Variants in TMPPE observed in about 807,000 individuals in gnomAD.
TMPPE encodes the protein transmembrane protein with metallophosphoesterase domain.
In TMPPE, 16 loss-of-function variants were observed where a neutral mutation model predicts 22.6. That is an observed-to-expected ratio of 0.71 (90% CI 0.48 to 1.08). The LOEUF is 1.08. TMPPE is among the 50% of genes least tolerant of loss of function. The pLI, the probability that TMPPE is intolerant of heterozygous loss-of-function variation, is 0.00. For synonymous variants in TMPPE, 240 were observed against 245.3 expected (o/e 0.98, Z 0.20); for missense variants, 526 against 584.3 (o/e 0.90, Z 1.03).
In TMPPE at chr3:33,093,577, G is replaced by C. The variant is rs376847365; in HGVS notation, c.619C>G (p.Leu207Val). 1.2e-6 allele frequency: 2 copies of C among 1,614,072 alleles called. No individual in the cohort carries two copies. The highest frequency in any genetic ancestry group is 2.7e-5 in the African/African-American group (2 of 74,938). The change falls in exon 2 of 2, where the codon CTC becomes GTC. Residue 207 changes from leucine to valine, a missense_variant. Transcript: ENST00000342462. This position sits in a 1 kb window ranked among gnomAD's most constrained non-coding sequence, Gnocchi z 6.0. Reference protein sequence around the residue: ...IHQLPASMNNLKIVLLSDIHL... With the variant: ...IHQLPASMNNVKIVLLSDIHL... ...ATGTCTGAGAGGAGCACGATCTTGAGGTTGTTCATTGAGGCAGGCAGCTGA... is the reference window on the plus strand; with the variant it reads ...ATGTCTGAGAGGAGCACGATCTTGACGTTGTTCATTGAGGCAGGCAGCTGA...
chr3:33,092,215 A>G lies in TMPPE; in HGVS notation c.*619T>C. On this transcript the variant is annotated 3_prime_UTR_variant, in exon 2 of 2. Coordinates refer to ENST00000342462, the MANE Select transcript of TMPPE (RefSeq NM_001039770.3). Reference sequence around the variant, plus strand: ...CACAGACAGTTAAATAGCATCCCTCAAGGCCTGGAACAGGAGGAGCTTTGC... The same window carrying G: ...CACAGACAGTTAAATAGCATCCCTCGAGGCCTGGAACAGGAGGAGCTTTGC... The G allele has an allele frequency of 1.0e-6, 1 of 985,710 alleles. No individual in the cohort carries two copies. 61.1% of individuals were successfully genotyped at this position (985,710 alleles called of 1,614,324 possible).
At position 33,091,139 on chromosome 3, in the gene TMPPE, G is replaced by A; in HGVS notation, c.*1695C>T. On this transcript the variant is annotated 3_prime_UTR_variant, in exon 2 of 2. Transcript: ENST00000342462. ...AGGGAGTAAGGATGATTCACAAAATGCGGTCGGGACACAAGAAAAGTGAGT... is the reference window on the plus strand; with the variant it reads ...AGGGAGTAAGGATGATTCACAAAATACGGTCGGGACACAAGAAAAGTGAGT... 2 of 985,416 alleles carry A rather than the reference G, an allele frequency of 2.0e-6. No homozygotes were observed. The highest frequency in any genetic ancestry group is 2.4e-6 in the Non-Finnish European group (2 of 829,944). 61.0% of individuals were successfully genotyped at this position (985,416 alleles called of 1,614,324 possible).
In TMPPE at chr3:33,097,053, C is replaced by G; in HGVS notation, c.-443G>C. 4 of 1,612,030 alleles carry G rather than the reference C, an allele frequency of 2.5e-6. No individual in the cohort carries two copies. Among genetic ancestry groups the G allele is most frequent in the Non-Finnish European group, 3.4e-6 (4 of 1,178,664 alleles). On this transcript the variant is annotated 5_prime_UTR_variant, in exon 1 of 2. Transcript: ENST00000342462. ...GGCCCAGAAGCAGCAGAACCAGCAA[C>G]AGAGGGAGGATGCGAACCAGGAACC...
chr3:33,096,822 C>T lies in TMPPE; in HGVS notation c.-212G>A. The T allele has an allele frequency of 7.3e-7, 1 of 1,365,928 alleles. No individual in the cohort carries two copies. The highest frequency in any genetic ancestry group is 1.5e-5 in the African/African-American group (1 of 64,648). 84.6% of individuals were successfully genotyped at this position (1,365,928 alleles called of 1,614,324 possible). ...GAGCTGCCTGGAAGGACGCGCGCCCCGCCCGGCCCGCCCCCGACGGGAAGG... is the reference window on the plus strand; with the variant it reads ...GAGCTGCCTGGAAGGACGCGCGCCCTGCCCGGCCCGCCCCCGACGGGAAGG... On this transcript the variant is annotated 5_prime_UTR_variant, in exon 1 of 2. Coordinates refer to ENST00000342462, the MANE Select transcript of TMPPE (RefSeq NM_001039770.3).
chr3:33,092,846 C>A lies in TMPPE; in HGVS notation c.1350G>T (p.Gln450His). ...GGGCAGGGCCAGTTCAGGGAGACCG[C>A]TGCAGGATGAGCTCTGTGATCTCGG... The part of the protein sequence containing the change: ...SRAEITELIL[Q>H]RSP Residue 450 changes from glutamine to histidine, a missense_variant, in exon 2 of 2, where the codon CAG becomes CAT. Transcript: ENST00000342462. The A allele has an allele frequency of 6.2e-7, 1 of 1,603,994 alleles. No individual in the cohort carries two copies. Among genetic ancestry groups the A allele is most frequent in the Non-Finnish European group, 8.5e-7 (1 of 1,174,042 alleles).
Position 33,093,213 on chromosome 3 carries a change from C to A in TMPPE, c.983G>T (p.Trp328Leu). Residue 328 changes from tryptophan to leucine, a missense_variant, in exon 2 of 2, where the codon TGG (tryptophan) becomes TTG (leucine). Physicochemically the swap from Trp to Leu is moderately conservative, Grantham distance 61 (BLOSUM62 -2). Transcript: ENST00000342462. The surrounding 1 kb of genome is among the most constrained non-coding windows in gnomAD (Gnocchi z 6.0). ...ATCGTCCACCCCAGCCAAGCAGATC[C>A]AGTCCTCATCCTCACTCCCACTGCC... ...GSGSGSEDED[W>L]ICLAGVDDIE... 6.2e-7 allele frequency: 1 copy of A among 1,613,842 alleles called. No individual in the cohort carries two copies. The highest frequency in any genetic ancestry group is 1.1e-5 in the South Asian group (1 of 91,058).
Position 33,091,669 on chromosome 3 carries a change from G to A in TMPPE, c.*1165C>T, listed in dbSNP as rs2125582793. 1.0e-6 allele frequency: 1 copy of A among 985,182 alleles called. No homozygotes were observed. The highest frequency in any genetic ancestry group is 1.2e-6 in the Non-Finnish European group (1 of 829,718). The allele number at this position is 985,182 out of a possible 1,614,324, so 61.0% of individuals were successfully genotyped here. The stretch of plus-strand genomic sequence containing the variant: ...AATTATCCCCATTTTAGGGTTGATG[G>A]AAACCAAGGCTGAGTGAGGGAAAGT... On this transcript the variant is annotated 3_prime_UTR_variant, in exon 2 of 2. Coordinates refer to ENST00000342462, the MANE Select transcript of TMPPE (RefSeq NM_001039770.3).
Position 33,092,127 on chromosome 3 carries a change from A to G in TMPPE, c.*707T>C. ...TGAATTCCTAAGCAGCCATGTTCTC[A>G]CCATCACCGACCATGGCGCCCACCG... is the stretch of plus-strand genomic sequence containing the variant. On this transcript the variant is annotated 3_prime_UTR_variant, in exon 2 of 2. Transcript: ENST00000342462. 2.0e-6 allele frequency: 2 copies of G among 985,532 alleles called. No homozygotes were observed. Among genetic ancestry groups the G allele is most frequent in the Non-Finnish European group, 1.2e-6 (1 of 830,076 alleles). The allele number at this position is 985,532 out of a possible 1,614,324, so 61.0% of individuals were successfully genotyped here.
rs367832132 is a variant in TMPPE at position 33,093,419 on chromosome 3, G to T, written c.777C>A (p.Val259=). ...GTGAATGAAGCTGGCCCAGAGGAGC[G>T]ACAGCCGTCCGCAGGACCGAGGCTT... ...DSEASVLRTA[V]APLGQLHSHL... The change falls in exon 2 of 2, where the codon GTC becomes GTA. Residue 259 remains valine, a synonymous_variant. Coordinates refer to ENST00000342462, the MANE Select transcript of TMPPE (RefSeq NM_001039770.3). This position sits in a 1 kb window ranked among gnomAD's most constrained non-coding sequence, Gnocchi z 6.0. 6.2e-7 allele frequency: 1 copy of T among 1,613,964 alleles called. No individual in the cohort carries two copies. Among genetic ancestry groups the T allele is most frequent in the African/African-American group, 1.3e-5 (1 of 74,884 alleles).
In TMPPE at chr3:33,097,013, G is replaced by A; in HGVS notation, c.-403C>T. 2 of 1,611,612 alleles carry A rather than the reference G, an allele frequency of 1.2e-6. No homozygotes were observed. Among genetic ancestry groups the A allele is most frequent in the South Asian group, 1.1e-5 (1 of 90,758 alleles). ...GTACCCGGGTCCCGCAGACTTACGC[G>A]CAAGCCGCGCGTAGGGCCCAGAAGC... is the stretch of plus-strand genomic sequence containing the variant. On this transcript the variant is annotated 5_prime_UTR_variant, in exon 1 of 2. Coordinates refer to ENST00000342462, the MANE Select transcript of TMPPE (RefSeq NM_001039770.3).
In TMPPE at chr3:33,094,162, T is replaced by A. The variant is rs767522416; in HGVS notation, c.34A>T (p.Lys12Ter). ...ACAGTGACAGCAGCCAGGGTGGCCT[T>A]CGCGCCTAGGGACAGCTGCCTGAAG... The part of the protein sequence containing the change: ...AIFRQLSLGA[K>*]ATLAAVTVFV... Residue 12 changes from lysine (K) to a stop codon, truncating the protein, a stop_gained, in exon 2 of 2, where the codon AAG (lysine) becomes TAG (stop). Transcript: ENST00000342462. LOFTEE classifies it high-confidence loss of function. The A allele has an allele frequency of 6.2e-7, 1 of 1,611,614 alleles. No homozygotes were observed. The highest frequency in any genetic ancestry group is 1.3e-5 in the African/African-American group (1 of 74,908).
rs1370582703 is a variant in TMPPE at position 33,092,668 on chromosome 3, C to T, written c.*166G>A. ...AAATAGTTAAACCAGCCTGAACATG[C>T]CAGGCAGGCCCACCATAAGTCACTG... On this transcript the variant is annotated 3_prime_UTR_variant, in exon 2 of 2. Coordinates refer to ENST00000342462, the MANE Select transcript of TMPPE (RefSeq NM_001039770.3). 3.6e-6 allele frequency: 5 copies of T among 1,402,384 alleles called. No homozygotes were observed. Among genetic ancestry groups the T allele is most frequent in the Admixed American group, 2.9e-5 (1 of 34,866 alleles). 86.9% of individuals were successfully genotyped at this position (1,402,384 alleles called of 1,614,324 possible).
Position 33,092,285 on chromosome 3 carries a change from T to A in TMPPE, c.*549A>T, listed in dbSNP as rs1180195361. 4.1e-6 allele frequency: 4 copies of A among 986,598 alleles called. No homozygotes were observed. The African/African-American group carries it at 7.0e-5, about 17-fold the overall frequency. 61.1% of individuals were successfully genotyped at this position (986,598 alleles called of 1,614,324 possible). ...ATGCCCTCAATAGAGGTGATCCTGA[T>A]AGAATCAGAGGAAAAGAAAATATTC... On this transcript the variant is annotated 3_prime_UTR_variant, in exon 2 of 2. Transcript: ENST00000342462.
chr3:33,091,400 C>T lies in TMPPE; in HGVS notation c.*1434G>A. 1 of 985,546 alleles carries T rather than the reference C, an allele frequency of 1.0e-6. No homozygotes were observed. Among genetic ancestry groups the T allele is most frequent in the Non-Finnish European group, 1.2e-6 (1 of 830,018 alleles). 61.1% of individuals were successfully genotyped at this position (985,546 alleles called of 1,614,324 possible). On this transcript the variant is annotated 3_prime_UTR_variant, in exon 2 of 2. Transcript: ENST00000342462. Reference sequence around the variant, plus strand: ...TGAGGGAAGGAAGGCAAACCCCTAGCAGTTGCTGCTTTGACACATCACCTG... The same window carrying T: ...TGAGGGAAGGAAGGCAAACCCCTAGTAGTTGCTGCTTTGACACATCACCTG...
chr3:33,092,708 G>A lies in TMPPE; in HGVS notation c.*126C>T. On this transcript the variant is annotated 3_prime_UTR_variant, in exon 2 of 2. Coordinates refer to ENST00000342462, the MANE Select transcript of TMPPE (RefSeq NM_001039770.3). Reference sequence around the variant, plus strand: ...ATAAGTCACTGTTTGAGTCAGGCTTGTGACCAAGGGTGTGTAGGCAAGGAT... The same window carrying A: ...ATAAGTCACTGTTTGAGTCAGGCTTATGACCAAGGGTGTGTAGGCAAGGAT... The A allele has an allele frequency of 1.4e-6, 2 of 1,458,870 alleles. No individual in the cohort carries two copies. Among genetic ancestry groups the A allele is most frequent in the Non-Finnish European group, 1.8e-6 (2 of 1,108,552 alleles). 90.4% of individuals were successfully genotyped at this position (1,458,870 alleles called of 1,614,324 possible). A position where few individuals can be genotyped will look rare whatever the true frequency, so the allele number is the denominator to read the frequency against.
At position 33,091,590 on chromosome 3, in the gene TMPPE, T is replaced by G; in HGVS notation, c.*1244A>C. The G allele has an allele frequency of 5.1e-6, 5 of 984,534 alleles. No individual in the cohort carries two copies. The highest frequency in any genetic ancestry group is 6.0e-6 in the Non-Finnish European group (5 of 829,112). 61.0% of individuals were successfully genotyped at this position (984,534 alleles called of 1,614,324 possible). ...TGCACGCTGTGCCATGTGGAACTCA[T>G]GCACAAGGCTTGATGGATCCCTCCT... On this transcript the variant is annotated 3_prime_UTR_variant, in exon 2 of 2. Coordinates refer to ENST00000342462, the MANE Select transcript of TMPPE (RefSeq NM_001039770.3).
chr3:33,093,357 T>C lies in TMPPE; in HGVS notation c.839A>G (p.Tyr280Cys). The change falls in exon 2 of 2, where the codon TAC becomes TGC. Residue 280 changes from tyrosine (Y) to cysteine (C), a missense_variant. Physicochemically the swap from Tyr to Cys is radical, Grantham distance 194. Transcript: ENST00000342462. This position sits in a 1 kb window ranked among gnomAD's most constrained non-coding sequence, Gnocchi z 6.0. ...GAYFVTGNHEYYTSDVSNWFA... is the reference protein window; with the variant it reads ...GAYFVTGNHECYTSDVSNWFA... ...CCAGTTGCTGACATCTGACGTGTAG[T>C]ACTCATGATTGCCTGTGACGAAGTA... 1 of 1,614,060 alleles carries C rather than the reference T, an allele frequency of 6.2e-7. No individual in the cohort carries two copies. Among genetic ancestry groups the C allele is most frequent in the Middle Eastern group, 1.6e-4 (1 of 6,062 alleles).
At position 33,096,842 on chromosome 3, in the gene TMPPE, G is replaced by A. The variant is rs1424768953; in HGVS notation, c.-232C>T. The A allele has an allele frequency of 3.6e-6, 5 of 1,376,374 alleles. No homozygotes were observed. Among genetic ancestry groups the A allele is most frequent in the Admixed American group, 7.8e-5 (2 of 25,608 alleles). 85.3% of individuals were successfully genotyped at this position (1,376,374 alleles called of 1,614,324 possible). A position where few individuals can be genotyped will look rare whatever the true frequency, so the allele number is the denominator to read the frequency against. On this transcript the variant is annotated 5_prime_UTR_variant, in exon 1 of 2. Coordinates refer to ENST00000342462, the MANE Select transcript of TMPPE (RefSeq NM_001039770.3). The stretch of plus-strand genomic sequence containing the variant: ...CGCCCCGCCCGGCCCGCCCCCGACG[G>A]GAAGGCCGGTCCACTGCCTGCGTTC...
rs375038734 is a variant in TMPPE, at chr3:33,094,160, C to A, written c.36G>T (p.Lys12Asn). ...AIFRQLSLGA[K>N]ATLAAVTVFV... ...AGACAGTGACAGCAGCCAGGGTGGC[C>A]TTCGCGCCTAGGGACAGCTGCCTGA... Residue 12 changes from lysine (K) to asparagine (N), a missense_variant, in exon 2 of 2, where the codon AAG becomes AAT. By Grantham distance (94) the Lys-to-Asn change is moderately conservative. Transcript: ENST00000342462. The A allele has an allele frequency of 1.2e-5, 20 of 1,611,664 alleles. No individual in the cohort carries two copies. The highest frequency in any genetic ancestry group is 1.5e-5 in the Non-Finnish European group (18 of 1,178,196).
Sources: allele counts gnomAD v4.1 joint callset, GRCh38; gene constraint gnomAD v4.1.1; non-coding constraint Gnocchi (gnomAD v3.1); transcripts MANE v1.5; gene names NCBI Gene and HGNC (gene_info 2026-07-23, HGNC 2026-07-21).